The following HERC1 variants were observed in gnomAD, a reference collection of about 807,000 sequenced individuals.
HERC1 encodes probable E3 ubiquitin-protein ligase HERC1.
HERC1 carries 160 observed loss-of-function variants against 554.3 expected under a neutral mutation model. The ratio of observed to expected loss-of-function variants is 0.29; its 90% confidence interval spans 0.25 to 0.33. HERC1 has a LOEUF of 0.33. Ranked by LOEUF, HERC1 falls within the 10% of genes least tolerant of loss-of-function variation. The pLI is 1.00. For missense variants in HERC1, 4,919 were observed against 5,918.5 expected, an observed-to-expected ratio of 0.83 and a Z score of 5.54; for synonymous variants, 2,175 against 2,131.7, an observed-to-expected ratio of 1.02 and a Z score of -0.56.
At chr15:63,829,973 A>G (rs1010250475) in intron 1 of HERC1, among the ~76,000 whole-genome samples, 1 of 152,210 alleles carries the variant, frequency 6.6e-6, no homozygotes, top group Admixed American at 6.5e-5. Context: ...AAGTGAGGGA[A>G]AGGGGACATC....
At chr15:63,676,785 T>C (rs1402664570) in intron 37 of HERC1, among the ~76,000 whole-genome samples, 1 of 152,060 alleles carries the variant, frequency 6.6e-6, no homozygotes, top group Non-Finnish European at 1.5e-5. Flanking sequence ...TCAAATAAAA[T>C]TTAAAAAGAT....
chr15:63,750,032 C>A (rs1204309060), intron 8 of HERC1, among the ~76,000 whole-genome samples: 2 of 152,134 alleles, frequency 1.3e-5, no homozygotes, highest in African/African-American at 2.4e-5. Context: ...ATAGAAAAAA[C>A]AGAAAGGTCT....
chr15:63,654,571 G>A (rs1231255413), intron 50 of HERC1, among the ~76,000 whole-genome samples: 2 of 152,066 alleles, frequency 1.3e-5, no homozygotes, highest in Non-Finnish European at 2.9e-5. Flanking sequence ...ATACATTTTA[G>A]GCCAGGCATG....
intron 53 of HERC1, 127 bp from the exon 54 acceptor site, chr15:63,650,052 T>G (rs900006533): frequency 4.6e-6 from 3 of 646,674 alleles, no homozygotes; most frequent in Non-Finnish European, 8.0e-6. Flanking sequence ...AGCCTACTAA[T>G]GAATAAGACC....
At chr15:63,787,049 C>T (rs554684403) in intron 1 of HERC1, among the ~76,000 whole-genome samples, 1 of 151,884 alleles carries the variant, frequency 6.6e-6, no homozygotes, top group East Asian at 1.9e-4. Context: ...ACCATGTTGG[C>T]CAGGCTGGTC....
chr15:63,703,497 A>G (rs2072840341), intron 25 of HERC1, among the ~76,000 whole-genome samples: 1 of 152,230 alleles, frequency 6.6e-6, no homozygotes, highest in Non-Finnish European at 1.5e-5. Context: ...TCAGGCTTTT[A>G]GTAATTCAAG....
chr15:63,695,227 G>A (rs1323020485), intron 27 of HERC1, among the ~76,000 whole-genome samples: 1 of 133,758 alleles, frequency 7.5e-6, no homozygotes, highest in African/African-American at 2.9e-5. Flanking sequence ...TGTAGAGACA[G>A]GGTTTCGCCA....
At chr15:63,716,635 T>C (rs773812682) in intron 21 of HERC1, among the ~76,000 whole-genome samples, 162 bp from the exon 22 acceptor site, 4 of 152,168 alleles carry the variant, frequency 2.6e-5, no homozygotes, top group Non-Finnish European at 4.4e-5. Flanking sequence ...ATAAATCTTA[T>C]AGAAATAATG....
chr15:63,813,172 T>C lies in HERC1; in HGVS notation c.-27+20655A>G, dbSNP rs572986703. 4.1e-3 allele frequency among the ~76,000 whole-genome samples: 631 copies of C among 152,350 alleles called. 3 individuals are homozygous for C. Among genetic ancestry groups the C allele is most frequent in the Non-Finnish European group, 7.8e-3 (528 of 68,034 alleles). ...GATTAACAAAGCAAATTATTAGATA[T>C]TGTCAATAAATCAGGAAGATTTGCT... On this transcript the variant is annotated intron_variant, in intron 1 of 77. Transcript: ENST00000443617.
intron 31 of HERC1, among the ~76,000 whole-genome samples, chr15:63,690,983 T>C (rs2153039798): frequency 6.6e-6 from 1 of 152,248 alleles, no homozygotes; most frequent in East Asian, 1.9e-4. Context: ...TTGAGAAAAA[T>C]GAGGCTCAGA....
intron 1 of HERC1, among the ~76,000 whole-genome samples, chr15:63,811,643 C>A (rs2077314921): frequency 6.6e-6 from 1 of 151,632 alleles, no homozygotes; most frequent in South Asian, 2.1e-4. Context: ...CCCCGTCTCT[C>A]CTAAAATTAT....
Position 63,734,628 on chromosome 15 carries a change from C to T in HERC1, c.2646+96G>A. The T allele has an allele frequency of 9.4e-7, 1 of 1,066,268 alleles. No homozygotes were observed. The allele number at this position is 1,066,268 out of a possible 1,614,324, so 66.1% of individuals were successfully genotyped here. A position where few individuals can be genotyped will look rare whatever the true frequency, so the allele number is the denominator to read the frequency against. ...CACATTAACCCATCAAGTACTTATG[C>T]TCCAAGAACACATGGCAATTTATTA... is the stretch of plus-strand genomic sequence containing the variant. On this transcript the variant is annotated intron_variant, in intron 13 of 77. Transcript: ENST00000443617. The surrounding 1 kb of genome is among the most constrained non-coding windows in gnomAD (Gnocchi z 4.6).
Position 63,649,213 on chromosome 15 carries a change from C to T in HERC1, c.10747+512G>A, listed in dbSNP as rs144848882. On this transcript the variant is annotated intron_variant, in intron 54 of 77. Coordinates refer to ENST00000443617, the MANE Select transcript of HERC1 (RefSeq NM_003922.4). ...ACTAAAAATACAAAAATTAGCTGGG[C>T]GTGGTGGCGAGTGCCTGTAATCCCA... Among the ~76,000 whole-genome samples the T allele has an allele frequency of 9.8e-3, 1,492 of 152,146 alleles. 23 individuals are homozygous for T. Among genetic ancestry groups the T allele is most frequent in the African/African-American group, 0.034 (1,422 of 41,502 alleles).
intron 12 of HERC1, among the ~76,000 whole-genome samples, chr15:63,735,399 TGG>T (rs1304317237): frequency 1.9e-5 from 1 of 53,184 alleles, no homozygotes; most frequent in Non-Finnish European, 3.3e-5. Context: ...TGTTGTGGGG[TGG>T]GGGGAGGGGG....
chr15:63,700,708 C>CAAAA (rs11314964), intron 25 of HERC1, among the ~76,000 whole-genome samples: 12 of 64,554 alleles, frequency 1.9e-4, no homozygotes, highest in Non-Finnish European at 2.5e-4. Context: ...GACCCTGCCT[C>CAAAA]AAAAAAAAAA....
rs1450807409 is a variant in HERC1, at chr15:63,696,229, T to C, written c.5016A>G (p.Thr1672=). ...SRLSSGFQSS[T]LLTSVRLQFL... ...ACTGCAGCCTCACAGACGTGAGTAG[T>C]GTGGAGGACTGGAAGCCTGAACTCA... The change falls in exon 27 of 78, where the codon ACA becomes ACG. Residue 1672 remains threonine (T), a synonymous_variant. Transcript: ENST00000443617. The C allele has an allele frequency of 3.7e-6, 6 of 1,613,292 alleles. No individual in the cohort carries two copies. Among genetic ancestry groups the C allele is most frequent in the South Asian group, 2.2e-5 (2 of 90,896 alleles).
intron 1 of HERC1, among the ~76,000 whole-genome samples, chr15:63,792,979 G>C (rs2076696752): frequency 6.6e-6 from 1 of 152,174 alleles, no homozygotes; most frequent in Non-Finnish European, 1.5e-5. Context: ...AGAACTCAGG[G>C]AAACACTTAT....
chr15:63,640,882 T>C (rs1012893687), intron 60 of HERC1, among the ~76,000 whole-genome samples: 1 of 152,206 alleles, frequency 6.6e-6, no homozygotes, highest in Non-Finnish European at 1.5e-5. Flanking sequence ...TCTGCTCTTC[T>C]CACTTTCCTC....
Position 63,656,299 on chromosome 15 carries a change from G to A in HERC1, c.9659C>T (p.Thr3220Met), listed in dbSNP as rs375311813. Residue 3220 changes from threonine to methionine, a missense_variant, in exon 49 of 78, where the codon ACG (threonine) becomes ATG (methionine). Transcript: ENST00000443617. ...LESLGLTDIR[T>M]LVRLMCLAAA... is the part of the protein sequence containing the mutation. ...TGCCAAGCACATTAATCGAACTAGCGTTCGGATATCTGTTAGCCCCAGAGA... is the reference window on the plus strand; with the variant it reads ...TGCCAAGCACATTAATCGAACTAGCATTCGGATATCTGTTAGCCCCAGAGA... 1.2e-5 allele frequency: 20 copies of A among 1,613,792 alleles called. No homozygotes were observed. In the African/African-American group the frequency reaches 1.5e-4, roughly 12 times the overall value.
Sources: allele counts gnomAD v4.1 joint callset (sites outside exome capture counted in the v4.1 genomes callset), GRCh38; gene constraint gnomAD v4.1.1; non-coding constraint Gnocchi (gnomAD v3.1); transcripts MANE v1.5; gene names NCBI Gene and HGNC (gene_info 2026-07-23, HGNC 2026-07-21).